SWT1: variants seen among roughly 807,000 people sequenced by gnomAD.
SWT1 encodes the protein SWT1 RNA endoribonuclease homolog.
A neutral mutation model predicts 107.3 loss-of-function variants in SWT1; 33 were observed. That is an observed-to-expected ratio of 0.31 (90% CI 0.23 to 0.41). SWT1 has a LOEUF of 0.41. Among genes scored for constraint, SWT1 ranks in the 10% least tolerant of loss-of-function variants. The pLI, the probability that SWT1 is intolerant of heterozygous loss-of-function variation, is 1.00. For synonymous variants in SWT1, 345 were observed against 348.3 expected, an observed-to-expected ratio of 0.99 and a Z score of 0.11; for missense variants, 898 against 1,028.9, an observed-to-expected ratio of 0.87 and a Z score of 1.74.
chr1:185,160,701 CA>C (rs928036790), intron 1 of SWT1, 131 bp from the exon 2 acceptor site: 615 of 625,562 alleles, frequency 9.8e-4, no homozygotes, highest in Non-Finnish European at 1.1e-3. Context: ...GACTCCATCT[CA>C]AAAAAAAATA....
intron 15 of SWT1, chr1:185,227,162 T>C (rs1395091350): frequency 1.8e-6 from 2 of 1,084,602 alleles, no homozygotes; most frequent in African/African-American, 1.5e-5. Flanking sequence ...AACCAGAGAA[T>C]TGTTTGGTAC....
At chr1:185,255,278 T>C (rs1028238428) in intron 16 of SWT1, among the ~76,000 whole-genome samples, 4 of 150,590 alleles carry the variant, frequency 2.7e-5, no homozygotes, top group Admixed American at 6.6e-5. Context: ...TGGAGAGTTC[T>C]GTAGATGTCT....
At chr1:185,280,570 G>C (rs1052108983) in intron 18 of SWT1, among the ~76,000 whole-genome samples, 2 of 152,098 alleles carry the variant, frequency 1.3e-5, no homozygotes, top group Admixed American at 6.5e-5. Flanking sequence ...GCTCCTGGAT[G>C]GGGGCTGGTC....
intron 18 of SWT1, among the ~76,000 whole-genome samples, chr1:185,287,993 G>T (rs982852832): frequency 6.6e-6 from 1 of 152,150 alleles, no homozygotes; most frequent in Non-Finnish European, 1.5e-5. Context: ...CAAAAGTCTA[G>T]TTACTGAAGG....
chr1:185,258,314 A>G (rs983643226), intron 16 of SWT1, among the ~76,000 whole-genome samples: 1 of 152,100 alleles, frequency 6.6e-6, no homozygotes, highest in African/African-American at 2.4e-5. Flanking sequence ...AACATTATAT[A>G]ATGTTCCATG....
intron 5 of SWT1, among the ~76,000 whole-genome samples, chr1:185,176,200 A>T (rs1236424201): frequency 6.9e-6 from 1 of 145,532 alleles, no homozygotes; most frequent in African/African-American, 2.5e-5. Flanking sequence ...AGGTGGGAGG[A>T]TCACTTGAGC....
At chr1:185,185,012 A>G (rs1281913222) in intron 9 of SWT1, 81 bp downstream of exon 9, 8 of 1,011,398 alleles carry the variant, frequency 7.9e-6, no homozygotes, top group Middle Eastern at 4.6e-4. Flanking sequence ...ATGGTGCAAA[A>G]CTTTTAAAAC....
intron 17 of SWT1, among the ~76,000 whole-genome samples, chr1:185,271,905 A>G (rs1663894129): frequency 6.6e-6 from 1 of 152,188 alleles, no homozygotes; most frequent in South Asian, 2.1e-4. Flanking sequence ...TGAGAGTCCT[A>G]AAATAACACG....
chr1:185,161,111 G>A (rs113197465), intron 2 of SWT1, among the ~76,000 whole-genome samples, 186 bp downstream of exon 2: 10 of 152,264 alleles, frequency 6.6e-5, no homozygotes, highest in African/African-American at 2.4e-4. Flanking sequence ...AACTGTATGA[G>A]GTGGGTACTA....
chr1:185,195,102 A>G (rs972118180), intron 10 of SWT1, among the ~76,000 whole-genome samples: 11 of 152,056 alleles, frequency 7.2e-5, no homozygotes, highest in African/African-American at 2.7e-4. Flanking sequence ...GCACCCATCA[A>G]CCTGTCATCT....
intron 13 of SWT1, among the ~76,000 whole-genome samples, chr1:185,213,093 C>T (rs564034600): frequency 6.6e-6 from 1 of 152,148 alleles, no homozygotes; most frequent in South Asian, 2.1e-4. Flanking sequence ...TGTCTGTATA[C>T]TGGATTTATT....
intron 16 of SWT1, chr1:185,263,469 A>T (rs1181925747): frequency 6.6e-6 from 1 of 152,428 alleles, no homozygotes; most frequent in Non-Finnish European, 1.5e-5. Flanking sequence ...ATGAATGAGG[A>T]TCCATCCATT....
chr1:185,281,778 A>G (rs1347968452), intron 18 of SWT1: 1 of 154,470 alleles, frequency 6.5e-6, no homozygotes, highest in Non-Finnish European at 1.5e-5. Context: ...AGACAAAGAA[A>G]ACATAAACAG....
intron 9 of SWT1, among the ~76,000 whole-genome samples, chr1:185,186,935 A>T (rs1189730024): frequency 6.7e-6 from 1 of 150,280 alleles, no homozygotes; most frequent in Admixed American, 6.6e-5. Context: ...TTGTATTTTT[A>T]GTAGAGATAG....
chr1:185,278,938 A>G (rs1664434254), intron 18 of SWT1, among the ~76,000 whole-genome samples: 1 of 152,230 alleles, frequency 6.6e-6, no homozygotes, highest in African/African-American at 2.4e-5. Context: ...TTAAAGCTCC[A>G]GACTGATAAA....
At chr1:185,205,411 C>T (rs1658254141) in intron 12 of SWT1, among the ~76,000 whole-genome samples, 1 of 152,104 alleles carries the variant, frequency 6.6e-6, no homozygotes, top group East Asian at 1.9e-4. Context: ...TCTTGTTGTC[C>T]AGGCTTGAGT....
intron 16 of SWT1, among the ~76,000 whole-genome samples, chr1:185,252,422 T>G (rs1662110154): frequency 6.6e-6 from 1 of 152,352 alleles, no homozygotes; most frequent in Admixed American, 6.5e-5. Context: ...TTCCTATTTC[T>G]CCACATCCTC....
intron 18 of SWT1, among the ~76,000 whole-genome samples, chr1:185,278,958 G>C (rs1316316195): frequency 6.6e-6 from 1 of 152,110 alleles, no homozygotes; most frequent in Non-Finnish European, 1.5e-5. Context: ...ATTTGTTTGA[G>C]GATATCAGAT....
intron 16 of SWT1, among the ~76,000 whole-genome samples, chr1:185,251,056 A>G (rs956860919): frequency 6.6e-6 from 1 of 152,196 alleles, no homozygotes; most frequent in African/African-American, 2.4e-5. Flanking sequence ...CCATTCTTTT[A>G]TGGCTTTAGA....
Sources: allele counts gnomAD v4.1 joint callset (sites outside exome capture counted in the v4.1 genomes callset), GRCh38; gene constraint gnomAD v4.1.1; transcripts MANE v1.5; gene names NCBI Gene and HGNC (gene_info 2026-07-23, HGNC 2026-07-21).